The following DLG5 variants were observed in gnomAD, a reference collection of about 807,000 sequenced individuals.
The protein encoded by DLG5 is discs large MAGUK scaffold protein 5, also known as disks large homolog 5.
DLG5 carries 48 observed loss-of-function variants against 189.8 expected under a neutral mutation model. The ratio of observed to expected loss-of-function variants is 0.25; its 90% CI spans 0.20 to 0.32. The LOEUF (loss-of-function observed/expected upper bound fraction) is 0.32, where lower values mean the gene tolerates loss of function less well. Ranked by LOEUF, DLG5 falls within the 10% of genes least tolerant of loss-of-function variation. DLG5 has a pLI of 1.00. For synonymous variants in DLG5, 1,016 were observed against 1,054.1 expected (o/e 0.96, Z 0.70); for missense variants, 2,160 against 2,544.7 (o/e 0.85, Z 3.25).
intron 1 of DLG5, among the ~76,000 whole-genome samples, chr10:77,901,149 G>A (rs1342729475): frequency 1.3e-5 from 2 of 149,636 alleles, no homozygotes; most frequent in African/African-American, 2.4e-5. Flanking sequence ...GAAGAAAAAA[G>A]AAAAACAATC....
chr10:77,856,695 T>C (rs781404328), intron 3 of DLG5, 35 bp downstream of exon 3: 12 of 1,598,664 alleles, frequency 7.5e-6, no homozygotes, highest in South Asian at 3.3e-5. Flanking sequence ...ATCCCAACCA[T>C]GGGGCCTGGG....
At chr10:77,932,885 T>A in the DLG5 span, among the ~76,000 whole-genome samples, 2 of 151,930 alleles carry the variant, frequency 1.3e-5, no homozygotes, top group Admixed American at 6.5e-5. Context: ...GGAGGATTAC[T>A]TGAACCCAAG....
Position 77,834,245 on chromosome 10 carries a change from C to A in DLG5, c.1623-206G>T, listed in dbSNP as rs139357365. 1.1e-3 allele frequency among the ~76,000 whole-genome samples: 166 copies of A among 152,222 alleles called. No homozygotes were observed. The highest frequency in any genetic ancestry group is 1.9e-3 in the Non-Finnish European group (130 of 68,004). On this transcript the variant is annotated intron_variant, in intron 8 of 31. Transcript: ENST00000372391. ...ACAGAGGGAATGTGGAGGACCTGGG[C>A]AGGGAAGAGACACCCCCACAGTCAC...
At chr10:77,868,066 C>T (rs1449451826) in intron 2 of DLG5, 1 of 456,696 alleles carries the variant, frequency 2.2e-6, no homozygotes, top group Non-Finnish European at 4.4e-6. Flanking sequence ...GGACAGATCT[C>T]TCCCTAGCGC....
At chr10:77,936,719 A>C in the DLG5 span, among the ~76,000 whole-genome samples, 116 of 152,372 alleles carry the variant, frequency 7.6e-4, no homozygotes, top group Middle Eastern at 3.4e-3. Flanking sequence ...TTGCTTGCCC[A>C]AAACCACACG....
chr10:77,866,236 G>A (rs373165699), intron 2 of DLG5, among the ~76,000 whole-genome samples: 5 of 152,306 alleles, frequency 3.3e-5, no homozygotes, highest in African/African-American at 1.2e-4. Context: ...TACAAGCCTG[G>A]TACAGACATT....
At chr10:77,876,587 C>T (rs1005105945) in intron 1 of DLG5, among the ~76,000 whole-genome samples, 13 of 151,068 alleles carry the variant, frequency 8.6e-5, no homozygotes, top group South Asian at 4.3e-4. Context: ...TTGGCCAGGC[C>T]GGTCTCGAAC....
At chr10:77,885,514 C>T (rs962301388) in intron 1 of DLG5, among the ~76,000 whole-genome samples, 4 of 152,208 alleles carry the variant, frequency 2.6e-5, no homozygotes, top group African/African-American at 9.6e-5. Context: ...TCCACATCCA[C>T]GACCCTGGAG....
intron 19 of DLG5, 66 bp downstream of exon 19, chr10:77,816,941 G>C: frequency 6.5e-7 from 1 of 1,547,762 alleles, no homozygotes; most frequent in Non-Finnish European, 8.9e-7. Context: ...TAAGCCCAGA[G>C]ACTCCACCAT....
intron 5 of DLG5, among the ~76,000 whole-genome samples, chr10:77,848,429 G>A (rs1843797452): frequency 6.6e-6 from 1 of 152,290 alleles, no homozygotes; most frequent in Admixed American, 6.5e-5. Flanking sequence ...CGGGGCCTGA[G>A]AGGTTTCCCA....
At chr10:77,939,335 T>C in the DLG5 span, among the ~76,000 whole-genome samples, 1 of 152,076 alleles carries the variant, frequency 6.6e-6, no homozygotes, top group African/African-American at 2.4e-5. Context: ...AGGGGGCCCA[T>C]GGGCCCAATC....
intron 29 of DLG5, 65 bp downstream of exon 29, chr10:77,795,996 G>A (rs986612889): frequency 1.9e-6 from 3 of 1,609,596 alleles, no homozygotes; most frequent in Admixed American, 3.3e-5. Context: ...CGGACCAGGG[G>A]CCTAGACCTG....
At chr10:77,826,255 C>G (rs1411863382) in intron 13 of DLG5, among the ~76,000 whole-genome samples, 1 of 152,206 alleles carries the variant, frequency 6.6e-6, no homozygotes, top group African/African-American at 2.4e-5. Flanking sequence ...CAGACTATCC[C>G]TCGGGAGGGA....
At chr10:77,795,317 G>A (rs574378171) in intron 29 of DLG5, among the ~76,000 whole-genome samples, 1 of 152,302 alleles carries the variant, frequency 6.6e-6, no homozygotes, top group Admixed American at 6.5e-5. Flanking sequence ...AGAGTCTGGT[G>A]AGCCTTTGTG....
At chr10:77,844,623 G>A (rs532721844) in intron 5 of DLG5, among the ~76,000 whole-genome samples, 1 of 152,322 alleles carries the variant, frequency 6.6e-6, no homozygotes, top group South Asian at 2.1e-4. Context: ...ACAGAAAGAC[G>A]CTGTGCCCTG....
rs767546499 is a variant in DLG5, at chr10:77,794,898, T to C, written c.5497A>G (p.Ile1833Val). Reference sequence around the variant, plus strand: ...TGGATGAAGATGACAATGGGGTAGATGTGCATGTGGTGGAGCCGCTCAATA... The same window carrying C: ...TGGATGAAGATGACAATGGGGTAGACGTGCATGTGGTGGAGCCGCTCAATA... ...HAIERLHHMH[I>V]YPIVIFIHYK... The change falls in exon 30 of 32, where the codon ATC becomes GTC. Residue 1833 changes from isoleucine to valine, a missense_variant. Around this residue, in one of 5 missense-constraint regions of DLG5, gnomAD observed 574 missense variants for 644.2 expected, o/e 0.89. Coordinates refer to ENST00000372391, the MANE Select transcript of DLG5 (RefSeq NM_004747.4). The C allele has an allele frequency of 1.2e-6, 2 of 1,614,054 alleles. No individual in the cohort carries two copies. The highest frequency in any genetic ancestry group is 1.7e-5 in the Admixed American group (1 of 60,022).
In DLG5 at chr10:77,819,369, C is replaced by G; in HGVS notation, c.3623G>C (p.Ser1208Thr). ...AGCATCTCGGGCCGCAGGTGGAGAG[C>G]TGCAGGGGCCGACCCTGTGACTGCG... ...TVRSHRVGPC[S>T]SPPAARDAGP... The change falls in exon 17 of 32, where the codon AGC becomes ACC. Residue 1208 changes from serine (S) to threonine (T), a missense_variant. Ser to Thr is a moderately conservative substitution (Grantham distance 58). Coordinates refer to ENST00000372391, the MANE Select transcript of DLG5 (RefSeq NM_004747.4). 6.2e-7 allele frequency: 1 copy of G among 1,614,106 alleles called. No homozygotes were observed. The highest frequency in any genetic ancestry group is 8.5e-7 in the Non-Finnish European group (1 of 1,180,028).
the DLG5 span, among the ~76,000 whole-genome samples, chr10:77,935,115 C>G: frequency 1.2e-4 from 19 of 152,096 alleles, no homozygotes; most frequent in African/African-American, 3.9e-4. Context: ...CTCGGCGTCC[C>G]AAAGTGCTGG....
intron 1 of DLG5, among the ~76,000 whole-genome samples, chr10:77,923,366 T>G (rs1846590936): frequency 6.6e-6 from 1 of 152,176 alleles, no homozygotes; most frequent in African/African-American, 2.4e-5. Flanking sequence ...AGCCGCTCTC[T>G]TATGCACTGA....
Sources: allele counts gnomAD v4.1 joint callset (sites outside exome capture counted in the v4.1 genomes callset), GRCh38; gene constraint gnomAD v4.1.1; regional missense constraint gnomAD v4.1.1; transcripts MANE v1.5; gene names NCBI Gene and HGNC (gene_info 2026-07-23, HGNC 2026-07-21).